PITPNA: variants seen among roughly 807,000 people sequenced by gnomAD.
The protein encoded by PITPNA is phosphatidylinositol transfer protein alpha isoform.
In PITPNA, 13 loss-of-function variants were observed where a neutral mutation model predicts 50.3. The observed-to-expected ratio is 0.26, with a 90% CI of 0.17 to 0.41. The LOEUF (loss-of-function observed/expected upper bound fraction) is 0.41. Among genes scored for constraint, PITPNA ranks in the 10% least tolerant of loss-of-function variants. The pLI is 1.00. For synonymous variants in PITPNA, 120 were observed against 119.6 expected, an observed-to-expected ratio of 1.00 and a Z score of -0.02; for missense variants, 207 against 333.4, an observed-to-expected ratio of 0.62 and a Z score of 2.95.
intron 1 of PITPNA, 28 bp from the exon 2 acceptor site, chr17:1,558,587 A>C: frequency 6.4e-7 from 1 of 1,571,768 alleles, no homozygotes; most frequent in Non-Finnish European, 8.7e-7. Flanking sequence ...GAGAGTATCA[A>C]CTTTAGGCTG....
At chr17:1,530,514 G>C (rs2075574968) in intron 10 of PITPNA, among the ~76,000 whole-genome samples, 1 of 152,196 alleles carries the variant, frequency 6.6e-6, no homozygotes, top group African/African-American at 2.4e-5. Context: ...TAGAGTTACA[G>C]CAGTGATGAC....
intron 1 of PITPNA, chr17:1,559,667 G>A: frequency 1.7e-6 from 1 of 575,204 alleles, no homozygotes; most frequent in Non-Finnish European, 2.2e-6. Flanking sequence ...CAGGCTCCTT[G>A]CTCCAGGCTA....
Position 1,518,869 on chromosome 17 carries a change from G to A in PITPNA, c.*1692C>T, listed in dbSNP as rs2075491086. On this transcript the variant is annotated 3_prime_UTR_variant, in exon 12 of 12. Transcript: ENST00000313486. ...GCCTCTTCTCCAACTTTCCAAGTCA[G>A]ATAAATGCTACCAGCAGTTGAGATG... 2 of 152,234 alleles carry A rather than the reference G, an allele frequency of 1.3e-5. No homozygotes were observed. Among genetic ancestry groups the A allele is most frequent in the Non-Finnish European group, 1.5e-5 (1 of 68,048 alleles). 9.4% of individuals were successfully genotyped at this position (152,234 alleles called of 1,614,324 possible).
intron 11 of PITPNA, among the ~76,000 whole-genome samples, chr17:1,521,282 A>G (rs2075510172): frequency 6.6e-6 from 1 of 152,128 alleles, no homozygotes; most frequent in African/African-American, 2.4e-5. Flanking sequence ...CTGCAACTTG[A>G]GATGGATCAA....
In PITPNA at chr17:1,518,331, A is replaced by G. The variant is rs1431995530; in HGVS notation, c.*2230T>C. The G allele has an allele frequency of 6.6e-6, 1 of 152,660 alleles. No homozygotes were observed. The highest frequency in any genetic ancestry group is 1.5e-5 in the Non-Finnish European group (1 of 68,068). The allele number at this position is 152,660 out of a possible 1,614,324, so 9.5% of individuals were successfully genotyped here. A position where few individuals can be genotyped will look rare whatever the true frequency, so the allele number is the denominator to read the frequency against. On this transcript the variant is annotated 3_prime_UTR_variant, in exon 12 of 12. Coordinates refer to ENST00000313486, the MANE Select transcript of PITPNA (RefSeq NM_006224.4). ...ATTCTGATGGAAGCAGCTGGTCTGA[A>G]GGGGCATGGCACACACTCAGGTACT...
chr17:1,562,486 G>T lies in PITPNA; in HGVS notation c.20+55C>A. 1 of 1,361,898 alleles carries T rather than the reference G, an allele frequency of 7.3e-7. No homozygotes were observed. The highest frequency in any genetic ancestry group is 9.7e-7 in the Non-Finnish European group (1 of 1,035,068). The allele number at this position is 1,361,898 out of a possible 1,614,324, so 84.4% of individuals were successfully genotyped here. A position where few individuals can be genotyped will look rare whatever the true frequency, so the allele number is the denominator to read the frequency against. ...CGTCCCTCGCCGCGCCGTCGCCCCG[G>T]CGGCCGTCCCCACCCTCCCTCCTCC... is the stretch of plus-strand genomic sequence containing the variant. On this transcript the variant is annotated intron_variant, in intron 1 of 11. Coordinates refer to ENST00000313486, the MANE Select transcript of PITPNA (RefSeq NM_006224.4). This position sits in a 1 kb window ranked among gnomAD's most constrained non-coding sequence, Gnocchi z 6.4.
chr17:1,551,527 A>G (rs1457740223), intron 3 of PITPNA, among the ~76,000 whole-genome samples: 2 of 151,960 alleles, frequency 1.3e-5, no homozygotes, highest in African/African-American at 4.8e-5. Context: ...TCCTGACCTC[A>G]AGTGATCCAT....
chr17:1,535,745 T>C lies in PITPNA; in HGVS notation c.457-227A>G, dbSNP rs1159219729. 5.4e-6 allele frequency: 3 copies of C among 556,790 alleles called. No homozygotes were observed. The East Asian group carries it at 9.3e-5, about 17-fold the overall frequency. The allele number at this position is 556,790 out of a possible 1,614,324, so 34.5% of individuals were successfully genotyped here. A position where few individuals can be genotyped will look rare whatever the true frequency, so the allele number is the denominator to read the frequency against. On this transcript the variant is annotated intron_variant, in intron 7 of 11. Coordinates refer to ENST00000313486, the MANE Select transcript of PITPNA (RefSeq NM_006224.4). ...GGGTTTGTTTTCCATTTTGCCAGTG[T>C]GAAAGTATCACCAGACTGTCTGAGC...
At chr17:1,550,470 C>T (rs1054459290) in intron 3 of PITPNA, among the ~76,000 whole-genome samples, 4 of 151,990 alleles carry the variant, frequency 2.6e-5, no homozygotes, top group African/African-American at 9.7e-5. Flanking sequence ...TTCAGAGTAA[C>T]CGGTGCAGGT....
intron 10 of PITPNA, among the ~76,000 whole-genome samples, chr17:1,524,844 A>G (rs1328472868): frequency 2.0e-5 from 3 of 147,898 alleles, no homozygotes; most frequent in African/African-American, 7.6e-5. Context: ...GCGAGACTCC[A>G]TCTCAAAAAA....
At chr17:1,524,296 G>A (rs1220600597) in intron 10 of PITPNA, among the ~76,000 whole-genome samples, 5 of 149,474 alleles carry the variant, frequency 3.3e-5, no homozygotes, top group South Asian at 2.1e-4. Flanking sequence ...CGCCCGCCTT[G>A]GCCTCCCAAA....
intron 1 of PITPNA, among the ~76,000 whole-genome samples, chr17:1,560,224 C>T (rs1296079132): frequency 6.6e-6 from 1 of 152,236 alleles, no homozygotes; most frequent in African/African-American, 2.4e-5. Flanking sequence ...TGCCCCCTTG[C>T]TCCTTAGGAA....
At chr17:1,542,942 A>G in intron 5 of PITPNA, 78 bp downstream of exon 5, 1 of 1,103,902 alleles carries the variant, frequency 9.1e-7, no homozygotes, top group Non-Finnish European at 1.3e-6. Context: ...AACACCCAAG[A>G]CCACCAGTGC....
At chr17:1,535,640 A>G (rs1011230061) in intron 7 of PITPNA, 122 bp from the exon 8 acceptor site, 2 of 706,116 alleles carry the variant, frequency 2.8e-6, no homozygotes, top group Admixed American at 4.2e-5. Context: ...CACAAAGCAA[A>G]TATGGGAAAA....
chr17:1,535,529 T>C lies in PITPNA; in HGVS notation c.457-11A>G. ...CTCTGCCTTGTAATCCTGAGAGAAA[T>C]TGTGGAATTGGGGTTGGAGGGGAGT... On this transcript the variant is annotated splice_polypyrimidine_tract_variant and intron_variant, in intron 7 of 11. Coordinates refer to ENST00000313486, the MANE Select transcript of PITPNA (RefSeq NM_006224.4). 6.3e-7 allele frequency: 1 copy of C among 1,595,694 alleles called. No individual in the cohort carries two copies. Among genetic ancestry groups the C allele is most frequent in the Non-Finnish European group, 8.6e-7 (1 of 1,163,426 alleles).
chr17:1,534,077 A>G (rs753858906), intron 10 of PITPNA, 22 bp downstream of exon 10: 2 of 1,612,564 alleles, frequency 1.2e-6, no homozygotes, highest in East Asian at 4.5e-5. Flanking sequence ...TCTAATTGAG[A>G]GCCCCCAGAG....
At position 1,521,573 on chromosome 17, in the gene PITPNA, A is replaced by G; in HGVS notation, c.*22+6T>C. On this transcript the variant is annotated splice_donor_region_variant and intron_variant, in intron 11 of 11. Coordinates refer to ENST00000313486, the MANE Select transcript of PITPNA (RefSeq NM_006224.4). ...TGACACGCACAGTGAGAAATTTGGT[A>G]CGTACAGTGCAGAGGGGAAAGGCGG... The G allele has an allele frequency of 1.3e-6, 2 of 1,598,764 alleles. No homozygotes were observed. Among genetic ancestry groups the G allele is most frequent in the Non-Finnish European group, 1.7e-6 (2 of 1,165,966 alleles).
chr17:1,540,864 C>T (rs1325981767), intron 6 of PITPNA, among the ~76,000 whole-genome samples: 1 of 152,180 alleles, frequency 6.6e-6, no homozygotes, highest in Admixed American at 6.5e-5. Flanking sequence ...GGATTACAGG[C>T]GTGAGCCACC....
intron 3 of PITPNA, among the ~76,000 whole-genome samples, chr17:1,550,595 A>G (rs2075703100): frequency 6.6e-6 from 1 of 151,862 alleles, no homozygotes; most frequent in Non-Finnish European, 1.5e-5. Flanking sequence ...TGGTGTGATC[A>G]TGGCTCACTG....
Sources: gnomAD v4.1 joint callset for allele counts (sites outside exome capture counted in the v4.1 genomes callset) on GRCh38, gnomAD v4.1.1 for gene constraint, Gnocchi (gnomAD v3.1) non-coding constraint, MANE v1.5 for transcripts, NCBI Gene and HGNC (gene_info 2026-07-23, HGNC 2026-07-21) for gene names.